HS6ST3: variants seen among roughly 807,000 people sequenced by gnomAD.
The protein encoded by HS6ST3 is heparan sulfate 6-O-sulfotransferase 3.
A neutral mutation model predicts 36.7 loss-of-function variants in HS6ST3; 12 were observed. That is an observed-to-expected ratio of 0.33 (90% CI 0.21 to 0.53). HS6ST3 has a LOEUF of 0.53. Among genes scored for constraint, HS6ST3 ranks in the 20% least tolerant of loss-of-function variants. The pLI, the probability that HS6ST3 is intolerant of heterozygous loss-of-function variation, is 0.95. For missense variants in HS6ST3, 584 were observed against 640.9 expected (o/e 0.91, Z 0.96); for synonymous variants, 240 against 257.5 (o/e 0.93, Z 0.65).
At chr13:96,164,257 T>A (rs2054150567) in intron 1 of HS6ST3, among the ~76,000 whole-genome samples, 1 of 152,174 alleles carries the variant, frequency 6.6e-6, no homozygotes, top group South Asian at 2.1e-4. Flanking sequence ...TCCAAGGATA[T>A]CATGCATGGC....
chr13:96,532,889 G>A (rs1035803239), intron 1 of HS6ST3, among the ~76,000 whole-genome samples: 1 of 152,104 alleles, frequency 6.6e-6, no homozygotes, highest in African/African-American at 2.4e-5. Flanking sequence ...ACAAAAAGAG[G>A]GTGGGAGGGG....
chr13:96,181,740 G>C (rs1215540119), intron 1 of HS6ST3, among the ~76,000 whole-genome samples: 1 of 152,146 alleles, frequency 6.6e-6, no homozygotes, highest in Non-Finnish European at 1.5e-5. Flanking sequence ...AGATCTTTTA[G>C]ATTGAGCGTA....
intron 1 of HS6ST3, among the ~76,000 whole-genome samples, chr13:96,679,089 T>C (rs945771304): frequency 6.0e-5 from 9 of 149,396 alleles, no homozygotes; most frequent in African/African-American, 2.2e-4. Context: ...GTGCCTGGGC[T>C]CTGTTCACTG....
chr13:96,302,430 T>A (rs1032943715), intron 1 of HS6ST3, among the ~76,000 whole-genome samples: 25 of 152,288 alleles, frequency 1.6e-4, no homozygotes, highest in African/African-American at 6.0e-4. Context: ...TATGGGTAAA[T>A]CTTTATAAAA....
At chr13:96,761,008 G>T (rs1200835560) in intron 1 of HS6ST3, among the ~76,000 whole-genome samples, 1 of 151,960 alleles carries the variant, frequency 6.6e-6, no homozygotes, top group South Asian at 2.1e-4. Flanking sequence ...CAATGCTCTT[G>T]CTAAAAAGAC....
At chr13:96,824,312 C>G (rs973706573) in intron 1 of HS6ST3, among the ~76,000 whole-genome samples, 4 of 152,360 alleles carry the variant, frequency 2.6e-5, no homozygotes, top group Middle Eastern at 3.4e-3. Context: ...ATCTCCATTT[C>G]CTCCTCCTCA....
At chr13:96,376,142 G>T (rs141984602) in intron 1 of HS6ST3, among the ~76,000 whole-genome samples, 236 of 152,190 alleles carry the variant, frequency 1.6e-3, no homozygotes, top group African/African-American at 5.4e-3. Context: ...AGTTAAAAAG[G>T]GTGGATAATA....
chr13:96,513,914 C>T lies in HS6ST3; in HGVS notation c.708-318576C>T, dbSNP rs2056061019. Among the ~76,000 whole-genome samples, 3 of 151,788 alleles carry T rather than the reference C, an allele frequency of 2.0e-5. No individual in the cohort carries two copies. In the South Asian group the frequency reaches 6.3e-4, roughly 32 times the overall value. Reference sequence around the variant, plus strand: ...AAAGTTTCCAAGCAGAGAGGAGGCCCTGAGACAGGAATGTTCTAGAAGTGT... The same window carrying T: ...AAAGTTTCCAAGCAGAGAGGAGGCCTTGAGACAGGAATGTTCTAGAAGTGT... On this transcript the variant is annotated intron_variant, in intron 1 of 1. Transcript: ENST00000376705.
chr13:96,324,199 C>G (rs775505508), intron 1 of HS6ST3, among the ~76,000 whole-genome samples: 1 of 152,176 alleles, frequency 6.6e-6, no homozygotes, highest in Non-Finnish European at 1.5e-5. Context: ...CTTTAAACAT[C>G]TCCAAAAACT....
chr13:96,626,581 C>A (rs751017730), intron 1 of HS6ST3, among the ~76,000 whole-genome samples: 2 of 151,842 alleles, frequency 1.3e-5, no homozygotes, highest in Non-Finnish European at 2.9e-5. Flanking sequence ...TTCAATTGTA[C>A]CTTGGTTGTT....
intron 1 of HS6ST3, among the ~76,000 whole-genome samples, chr13:96,319,211 A>C (rs572817922): frequency 6.6e-6 from 1 of 152,210 alleles, no homozygotes; most frequent in Non-Finnish European, 1.5e-5. Context: ...CAGAATTTGA[A>C]AAAAGTGGTC....
rs1222335591 is a variant in HS6ST3, at chr13:96,834,512, C to G, written c.*1314C>G. ...TTCTTATTTTCACCTTTTCATAATC[C>G]CAACTACAATAACAAGAATTTTATT... On this transcript the variant is annotated 3_prime_UTR_variant, in exon 2 of 2. Coordinates refer to ENST00000376705, the MANE Select transcript of HS6ST3 (RefSeq NM_153456.4). The G allele has an allele frequency of 1.3e-5, 2 of 152,126 alleles. No homozygotes were observed. Among genetic ancestry groups the G allele is most frequent in the Non-Finnish European group, 2.9e-5 (2 of 67,994 alleles). 9.4% of individuals were successfully genotyped at this position (152,126 alleles called of 1,614,324 possible). A position where few individuals can be genotyped will look rare whatever the true frequency, so the allele number is the denominator to read the frequency against.
At chr13:96,723,134 G>A (rs940693663) in intron 1 of HS6ST3, among the ~76,000 whole-genome samples, 1 of 151,960 alleles carries the variant, frequency 6.6e-6, no homozygotes, top group Non-Finnish European at 1.5e-5. Flanking sequence ...CTTAATTTTA[G>A]CTGGTGCATG....
chr13:96,329,018 G>A (rs1318905461), intron 1 of HS6ST3, among the ~76,000 whole-genome samples: 11 of 150,388 alleles, frequency 7.3e-5, no homozygotes, highest in African/African-American at 1.5e-4. Context: ...CTGTGGGATC[G>A]GTGGTGATAT....
chr13:96,638,209 C>T (rs1389894685), intron 1 of HS6ST3, among the ~76,000 whole-genome samples: 1 of 151,966 alleles, frequency 6.6e-6, no homozygotes, highest in Non-Finnish European at 1.5e-5. Context: ...ATATATAATT[C>T]CACACTGTAA....
chr13:96,400,503 A>G (rs1204648608), intron 1 of HS6ST3, among the ~76,000 whole-genome samples: 2 of 152,124 alleles, frequency 1.3e-5, no homozygotes, highest in Non-Finnish European at 2.9e-5. Context: ...TGGATAAGGA[A>G]GTGGTAATGG....
chr13:96,386,832 C>A (rs2055371060), intron 1 of HS6ST3, among the ~76,000 whole-genome samples: 1 of 152,184 alleles, frequency 6.6e-6, no homozygotes, highest in Non-Finnish European at 1.5e-5. Context: ...CACCACTGCA[C>A]ACCAGCCTGG....
intron 1 of HS6ST3, among the ~76,000 whole-genome samples, chr13:96,232,471 G>C (rs1437508897): frequency 6.6e-6 from 1 of 152,152 alleles, no homozygotes; most frequent in East Asian, 1.9e-4. Flanking sequence ...CTTCTGTATT[G>C]GGTGTGAGAG....
At chr13:96,610,853 GA>G (rs780834486) in intron 1 of HS6ST3, among the ~76,000 whole-genome samples, 32 of 135,870 alleles carry the variant, frequency 2.4e-4, no homozygotes, top group South Asian at 1.4e-3. Flanking sequence ...TGAAAAAAAT[GA>G]AAAAAAAAAA....
Sources: gnomAD v4.1 joint callset for allele counts (sites outside exome capture counted in the v4.1 genomes callset) on GRCh38, gnomAD v4.1.1 for gene constraint, MANE v1.5 for transcripts, NCBI Gene and HGNC (gene_info 2026-07-23, HGNC 2026-07-21) for gene names.